The following ZCWPW2 variants were observed in gnomAD, a reference collection of about 807,000 sequenced individuals.
ZCWPW2 encodes the protein zinc finger CW-type PWWP domain protein 2.
In ZCWPW2, 45 loss-of-function variants were observed where a neutral mutation model predicts 46.6. That is an observed-to-expected ratio of 0.96 (90% CI 0.76 to 1.24). The LOEUF (loss-of-function observed/expected upper bound fraction) is 1.24, where lower values mean the gene tolerates loss of function less well. ZCWPW2 is among the 50% of genes most tolerant of loss of function. ZCWPW2 has a pLI of 0.00. For synonymous variants in ZCWPW2, 152 were observed against 137.1 expected (o/e 1.11, Z -0.76); for missense variants, 429 against 403.9 (o/e 1.06, Z -0.53).
intron 2 of ZCWPW2, among the ~76,000 whole-genome samples, chr3:28,395,674 G>T (rs1396069805): frequency 6.6e-6 from 1 of 152,060 alleles, no homozygotes; most frequent in South Asian, 2.1e-4. Context: ...AATACTGTAC[G>T]ATCCAATTAT....
chr3:28,374,306 G>A (rs1705432584), intron 1 of ZCWPW2, among the ~76,000 whole-genome samples: 1 of 152,170 alleles, frequency 6.6e-6, no homozygotes, highest in East Asian at 1.9e-4. Context: ...AGTGTAAATA[G>A]GTGGTATTAT....
chr3:28,485,092 C>T (rs1411752455), intron 5 of ZCWPW2, among the ~76,000 whole-genome samples: 1 of 150,606 alleles, frequency 6.6e-6, no homozygotes, highest in South Asian at 2.1e-4. Context: ...TGATAAGTTG[C>T]ACTTTCATTT....
chr3:28,394,638 G>A (rs559622636), intron 2 of ZCWPW2, among the ~76,000 whole-genome samples: 2 of 152,160 alleles, frequency 1.3e-5, no homozygotes, highest in East Asian at 3.9e-4. Flanking sequence ...CACAAAGGCA[G>A]CAAGAATACA....
intron 4 of ZCWPW2, among the ~76,000 whole-genome samples, chr3:28,462,071 T>C (rs538560779): frequency 1.5e-4 from 23 of 152,114 alleles, no homozygotes; most frequent in Admixed American, 5.2e-4. Context: ...TTTTCTGTTG[T>C]GGTGGTCAAA....
chr3:28,447,905 C>T (rs2125776323), intron 4 of ZCWPW2: 1 of 836,584 alleles, frequency 1.2e-6, no homozygotes. Context: ...GCTGTGAGGC[C>T]TAAAGTTCTT....
At chr3:28,509,086 G>T (rs1278016664) in intron 6 of ZCWPW2, among the ~76,000 whole-genome samples, 1 of 151,872 alleles carries the variant, frequency 6.6e-6, no homozygotes, top group Non-Finnish European at 1.5e-5. Flanking sequence ...CTATAGATTT[G>T]CCTTTTTTAG....
intron 1 of ZCWPW2, among the ~76,000 whole-genome samples, 191 bp from the exon 2 acceptor site, chr3:28,390,307 T>A (rs1018920769): frequency 6.6e-6 from 1 of 152,234 alleles, no homozygotes; most frequent in Non-Finnish European, 1.5e-5. Flanking sequence ...TTAACATTGA[T>A]GAAATACTAT....
At chr3:28,456,066 A>G (rs1698410081) in intron 4 of ZCWPW2, among the ~76,000 whole-genome samples, 1 of 152,122 alleles carries the variant, frequency 6.6e-6, no homozygotes, top group African/African-American at 2.4e-5. Flanking sequence ...TCTATAACTT[A>G]CTTTGGTCAG....
intron 1 of ZCWPW2, among the ~76,000 whole-genome samples, chr3:28,372,034 CCTT>C (rs1460646985): frequency 2.6e-5 from 4 of 151,418 alleles, no homozygotes. Context: ...CCCTCCTCCT[CCTT>C]CTCTTCCTGC....
At chr3:28,506,511 A>G (rs1440673597) in intron 6 of ZCWPW2, among the ~76,000 whole-genome samples, 1 of 152,084 alleles carries the variant, frequency 6.6e-6, no homozygotes, top group African/African-American at 2.4e-5. Context: ...ATATTACAGT[A>G]TCTACCTGTA....
Position 28,493,324 on chromosome 3 carries a change from A to G in ZCWPW2, c.657+1151A>G, listed in dbSNP as rs1426236079. On this transcript the variant is annotated intron_variant, in intron 6 of 9. Coordinates refer to ENST00000383768, the MANE Select transcript of ZCWPW2 (RefSeq NM_001040432.4). Reference sequence around the variant, plus strand: ...CTCCCCCGACCCCACCACAGTCCCCAGAGTGTGATATTCCCCTTCCTGTGT... The same window carrying G: ...CTCCCCCGACCCCACCACAGTCCCCGGAGTGTGATATTCCCCTTCCTGTGT... Among the ~76,000 whole-genome samples the G allele has an allele frequency of 1.4e-3, 100 of 70,734 alleles. 1 individual carries two copies. The highest frequency in any genetic ancestry group is 4.4e-3 in the African/African-American group (75 of 17,140). The allele number at this position is 70,734 out of a possible 152,430, so 46.4% of individuals were successfully genotyped here. A position where few individuals can be genotyped will look rare whatever the true frequency, so the allele number is the denominator to read the frequency against.
At chr3:28,367,063 C>CT (rs1705145330) in intron 1 of ZCWPW2, among the ~76,000 whole-genome samples, 2 of 152,130 alleles carry the variant, frequency 1.3e-5, no homozygotes, top group Admixed American at 6.5e-5. Flanking sequence ...CGCTAGCAGT[C>CT]TATCAATTTT....
rs568613582 is a variant in ZCWPW2, at chr3:28,390,618, G to A, written c.-14+1G>A. On this transcript the variant is annotated splice_donor_variant, in intron 2 of 9. Transcript: ENST00000383768. LOFTEE classifies it low-confidence loss of function (5UTR_SPLICE). ...AGGAACAAAAGAAAAGTCTAACTCC[G>A]TAAGTACTTGAGAAACTCCAAAATG... 55 of 985,350 alleles carry A rather than the reference G, an allele frequency of 5.6e-5. No individual in the cohort carries two copies. The highest frequency in any genetic ancestry group is 5.2e-4 in the Middle Eastern group (1 of 1,914). 61.0% of individuals were successfully genotyped at this position (985,350 alleles called of 1,614,324 possible).
chr3:28,461,048 T>C (rs774868104), intron 4 of ZCWPW2: 7 of 235,412 alleles, frequency 3.0e-5, no homozygotes, highest in Admixed American at 4.1e-5. Context: ...ATATTTGAAA[T>C]CATACCAATG....
intron 4 of ZCWPW2, among the ~76,000 whole-genome samples, chr3:28,442,262 C>T (rs532316684): frequency 6.6e-6 from 1 of 152,344 alleles, no homozygotes; most frequent in Admixed American, 6.5e-5. Context: ...GCAACTTATC[C>T]TTCACCTTAG....
rs957901251 is a variant in ZCWPW2, at chr3:28,406,902, A to G, written c.-13-6154A>G. Among the ~76,000 whole-genome samples the G allele has an allele frequency of 2.0e-5, 3 of 147,890 alleles. No individual in the cohort carries two copies. The East Asian group carries it at 5.9e-4, about 29-fold the overall frequency. ...CACTGCAGTGGCATCATCATAGCTC[A>G]CTGCAGCTTCCAACTCCTGAGCTGA... On this transcript the variant is annotated intron_variant, in intron 2 of 9. Coordinates refer to ENST00000383768, the MANE Select transcript of ZCWPW2 (RefSeq NM_001040432.4).
In ZCWPW2 at chr3:28,348,863, G is replaced by C; in HGVS notation, c.-474G>C. The C allele has an allele frequency of 5.6e-5, 45 of 802,418 alleles. No individual in the cohort carries two copies. The highest frequency in any genetic ancestry group is 6.6e-5 in the Non-Finnish European group (44 of 662,754). 49.7% of individuals were successfully genotyped at this position (802,418 alleles called of 1,614,324 possible). A position where few individuals can be genotyped will look rare whatever the true frequency, so the allele number is the denominator to read the frequency against. Reference sequence around the variant, plus strand: ...CAGGAGGGGCCGGGCCGACGCGAGAGAAGGCCCGTTACCCAGCAATACGCG... The same window carrying C: ...CAGGAGGGGCCGGGCCGACGCGAGACAAGGCCCGTTACCCAGCAATACGCG... On this transcript the variant is annotated 5_prime_UTR_variant, in exon 1 of 10. Transcript: ENST00000383768.
intron 1 of ZCWPW2, among the ~76,000 whole-genome samples, chr3:28,360,288 G>A (rs917676639): frequency 2.8e-5 from 4 of 143,740 alleles, no homozygotes; most frequent in Admixed American, 1.5e-4. Context: ...GGTGGATCAC[G>A]AGATCAGAAG....
chr3:28,383,746 A>G (rs1307998989), intron 1 of ZCWPW2, among the ~76,000 whole-genome samples: 1 of 152,134 alleles, frequency 6.6e-6, no homozygotes, highest in Non-Finnish European at 1.5e-5. Context: ...CCTCCCTCAC[A>G]TGAACCTAAA....
Sources: gnomAD v4.1 joint callset for allele counts (sites outside exome capture counted in the v4.1 genomes callset) on GRCh38, gnomAD v4.1.1 for gene constraint, MANE v1.5 for transcripts, NCBI Gene and HGNC (gene_info 2026-07-23, HGNC 2026-07-21) for gene names.